The following NRIP1 variants were observed in gnomAD, a reference collection of about 807,000 sequenced individuals.
The protein encoded by NRIP1 is nuclear receptor-interacting protein 1.
Under a neutral mutation model 75.0 loss-of-function variants are expected in NRIP1, and 28 were observed. That is an observed-to-expected ratio of 0.37 (90% CI 0.28 to 0.51). The LOEUF is 0.51. NRIP1 is among the 20% of genes least tolerant of loss of function. The pLI is 0.92. For synonymous variants in NRIP1, 526 were observed against 487.6 expected, an observed-to-expected ratio of 1.08 and a Z score of -1.04; for missense variants, 1,435 against 1,343.7, an observed-to-expected ratio of 1.07 and a Z score of -1.06.
At chr21:15,033,211 C>T (rs964257078) in intron 2 of NRIP1, among the ~76,000 whole-genome samples, 3 of 128,754 alleles carry the variant, frequency 2.3e-5, no homozygotes, top group South Asian at 2.6e-4. Context: ...GGCGACAGAG[C>T]GAGACTCTGT....
At chr21:15,043,416 C>A (rs1390140155) in intron 2 of NRIP1, 79 bp downstream of exon 2, 1 of 152,182 alleles carries the variant, frequency 6.6e-6, no homozygotes. Context: ...CAAAATGTGG[C>A]ATAACAGTCT....
chr21:15,026,496 A>G (rs2088524209), intron 2 of NRIP1, among the ~76,000 whole-genome samples: 1 of 152,208 alleles, frequency 6.6e-6, no homozygotes, highest in Admixed American at 6.5e-5. Flanking sequence ...CATATAATTG[A>G]GCATTCTTTA....
intron 2 of NRIP1, among the ~76,000 whole-genome samples, chr21:15,029,859 G>T (rs907972237): frequency 2.0e-5 from 3 of 152,036 alleles, no homozygotes; most frequent in African/African-American, 7.3e-5. Flanking sequence ...AAACATGTCT[G>T]TACTTTGTGA....
chr21:14,967,133 G>T lies in NRIP1; in HGVS notation c.1060C>A (p.Pro354Thr). 1 of 1,614,106 alleles carries T rather than the reference G, an allele frequency of 6.2e-7. No homozygotes were observed. Among genetic ancestry groups the T allele is most frequent in the South Asian group, 1.1e-5 (1 of 91,082 alleles). Residue 354 changes from proline (P) to threonine (T), a missense_variant, in exon 4 of 4, where the codon CCT becomes ACT. Pro to Thr is a conservative substitution (Grantham distance 38, BLOSUM62 -1). Coordinates refer to ENST00000318948, the MANE Select transcript of NRIP1 (RefSeq NM_003489.4). ...TVFQNPMGII[P>T]SSPKNAGYKN... is the part of the protein sequence containing the mutation. ...TAACCTGCATTTTTAGGGGAAGAAG[G>T]AATGATACCCATTGGATTTTGAAAC...
In NRIP1 at chr21:15,058,592, G is replaced by T. The variant is rs531656060; in HGVS notation, c.-538+6153C>A. Reference sequence around the variant, plus strand: ...ACTTCTAGATAGATTCCTCAAGAGAGAAGTCCTTTTTTCATTCTGAACTTC... The same window carrying T: ...ACTTCTAGATAGATTCCTCAAGAGATAAGTCCTTTTTTCATTCTGAACTTC... On this transcript the variant is annotated intron_variant, in intron 1 of 3. Transcript: ENST00000318948. 8.5e-5 allele frequency among the ~76,000 whole-genome samples: 13 copies of T among 152,296 alleles called. No individual in the cohort carries two copies. The East Asian group carries it at 2.5e-3, about 29-fold the overall frequency.
In NRIP1 at chr21:14,965,115, T is replaced by A. The variant is rs760962230; in HGVS notation, c.3078A>T (p.Glu1026Asp). Residue 1026 changes from glutamate (E) to aspartate (D), a missense_variant, in exon 4 of 4, where the codon GAA becomes GAT. Physicochemically the swap from Glu to Asp is conservative, Grantham distance 45. Coordinates refer to ENST00000318948, the MANE Select transcript of NRIP1 (RefSeq NM_003489.4). ...EHLGCAGSRP[E>D]SGLLNGCSMP... Reference sequence around the variant, plus strand: ...TGGAACACCCATTCAAAAGCCCAGATTCTGGTCTAGACCCTGCACAGCCCA... The same window carrying A: ...TGGAACACCCATTCAAAAGCCCAGAATCTGGTCTAGACCCTGCACAGCCCA... The A allele has an allele frequency of 6.2e-7, 1 of 1,613,212 alleles. No homozygotes were observed. The highest frequency in any genetic ancestry group is 1.1e-5 in the South Asian group (1 of 91,074).
chr21:15,016,422 G>A (rs1443966417), intron 2 of NRIP1, among the ~76,000 whole-genome samples: 1 of 152,146 alleles, frequency 6.6e-6, no homozygotes, highest in Admixed American at 6.5e-5. Flanking sequence ...CCCAGTCTCT[G>A]AAGTAATACT....
intron 2 of NRIP1, among the ~76,000 whole-genome samples, chr21:15,017,063 T>C (rs1018918103): frequency 6.6e-6 from 1 of 152,082 alleles, no homozygotes; most frequent in East Asian, 1.9e-4. Context: ...ATCTATAAAT[T>C]GATTACTGGA....
intron 3 of NRIP1, among the ~76,000 whole-genome samples, chr21:14,978,898 A>G (rs2087153575): frequency 6.6e-6 from 1 of 152,164 alleles, no homozygotes; most frequent in South Asian, 2.1e-4. Context: ...TTCTATTTCA[A>G]AAACACAATA....
chr21:15,049,507 A>G (rs2089158308), intron 1 of NRIP1, among the ~76,000 whole-genome samples: 1 of 152,100 alleles, frequency 6.6e-6, no homozygotes, highest in Non-Finnish European at 1.5e-5. Context: ...CAAACAAGGT[A>G]TTATTGGCAC....
At chr21:15,006,267 T>C (rs1467075603) in intron 3 of NRIP1, among the ~76,000 whole-genome samples, 1 of 152,194 alleles carries the variant, frequency 6.6e-6, no homozygotes. Context: ...TGACATTTGA[T>C]GTTTTAGCAT....
chr21:15,026,332 T>C (rs999851138), intron 2 of NRIP1, among the ~76,000 whole-genome samples: 1 of 152,186 alleles, frequency 6.6e-6, no homozygotes, highest in East Asian at 1.9e-4. Flanking sequence ...ATCAAGATCA[T>C]AATACGATGC....
At chr21:15,060,718 G>A (rs780715618) in intron 1 of NRIP1, among the ~76,000 whole-genome samples, 106 of 152,168 alleles carry the variant, frequency 7.0e-4, no homozygotes, top group Non-Finnish European at 1.4e-3. Context: ...GGAACTTGTC[G>A]TTTCTCTCCC....
chr21:15,044,001 T>G (rs924953775), intron 1 of NRIP1, among the ~76,000 whole-genome samples: 1 of 152,106 alleles, frequency 6.6e-6, no homozygotes. Context: ...GTATTTTTAG[T>G]AGAGACGAGT....
intron 3 of NRIP1, among the ~76,000 whole-genome samples, chr21:14,978,720 T>C (rs961446853): frequency 6.6e-6 from 1 of 152,180 alleles, no homozygotes; most frequent in Non-Finnish European, 1.5e-5. Flanking sequence ...GGCCTAGGTA[T>C]ATGAATCGGA....
At chr21:15,024,392 A>T (rs189345797) in intron 2 of NRIP1, among the ~76,000 whole-genome samples, 183 of 152,258 alleles carry the variant, frequency 1.2e-3, no homozygotes, top group African/African-American at 4.0e-3. Flanking sequence ...AAATACAAAA[A>T]TTAGCTGGGT....
chr21:15,048,048 A>G (rs1170937744), intron 1 of NRIP1, among the ~76,000 whole-genome samples: 9 of 152,240 alleles, frequency 5.9e-5, no homozygotes, highest in Non-Finnish European at 8.8e-5. Flanking sequence ...ATGGGGGAAC[A>G]GCCAGTCTGT....
At chr21:14,983,507 C>T (rs946164812) in intron 3 of NRIP1, among the ~76,000 whole-genome samples, 21 of 152,160 alleles carry the variant, frequency 1.4e-4, no homozygotes, top group African/African-American at 4.8e-4. Context: ...GACAGAAAAG[C>T]TCAGCAAGAA....
At chr21:14,988,710 C>T (rs939973962) in intron 3 of NRIP1, among the ~76,000 whole-genome samples, 2 of 151,944 alleles carry the variant, frequency 1.3e-5, no homozygotes, top group East Asian at 3.9e-4. Flanking sequence ...AGAACCTATA[C>T]CCAAACCACA....
Sources: allele counts gnomAD v4.1 joint callset (sites outside exome capture counted in the v4.1 genomes callset), GRCh38; gene constraint gnomAD v4.1.1; transcripts MANE v1.5; gene names NCBI Gene and HGNC (gene_info 2026-07-23, HGNC 2026-07-21).